The following MTF1 variants were observed in gnomAD, a reference collection of about 807,000 sequenced individuals.
MTF1 encodes the protein MRE-binding transcription factor.
In MTF1, 22 loss-of-function variants were observed where a neutral mutation model predicts 70.4. That is an observed-to-expected ratio of 0.31 (90% CI 0.22 to 0.45). The LOEUF (loss-of-function observed/expected upper bound fraction) is 0.45. MTF1 is among the 20% of genes least tolerant of loss of function. The probability of loss-of-function intolerance (pLI) is 1.00; values close to 1 mark genes in which losing one functional copy is unlikely to be tolerated. For synonymous variants in MTF1, 333 were observed against 352.8 expected (o/e 0.94, Z 0.63); for missense variants, 649 against 922.0 (o/e 0.70, Z 3.83).
chr1:37,822,705 C>T lies in MTF1; in HGVS notation c.1183G>A (p.Glu395Lys). 6.2e-7 allele frequency: 1 copy of T among 1,608,536 alleles called. No individual in the cohort carries two copies. The highest frequency in any genetic ancestry group is 8.5e-7 in the Non-Finnish European group (1 of 1,176,328). ...GACTCTGCATCACCATTAAAACTTT[C>T]AGTCAAGGAAGCTGGCAAGAAAAAG... The part of the protein sequence containing the change: ...EDPQQTASLT[E>K]SFNGDAESVS... Residue 395 changes from glutamate to lysine, a missense_variant, in exon 9 of 11, where the codon GAA becomes AAA. Physicochemically the swap from Glu to Lys is moderately conservative, Grantham distance 56. This residue lies in a region of MTF1 where 267 missense variants were observed against 292.1 expected (regional missense o/e 0.91). Coordinates refer to ENST00000373036, the MANE Select transcript of MTF1 (RefSeq NM_005955.3).
intron 5 of MTF1, 37 bp downstream of exon 5, chr1:37,835,634 T>C: frequency 2.6e-6 from 4 of 1,519,246 alleles, no homozygotes; most frequent in Non-Finnish European, 3.7e-6. Flanking sequence ...AATTGATAGT[T>C]ACAGGCTTGA....
At chr1:37,820,989 G>C (rs894043240) in intron 9 of MTF1, among the ~76,000 whole-genome samples, 2 of 152,068 alleles carry the variant, frequency 1.3e-5, no homozygotes, top group Non-Finnish European at 2.9e-5. Context: ...GACCAGTCTG[G>C]GCAACATGGC....
At chr1:37,859,226 C>G (rs1055844767) in intron 1 of MTF1, among the ~76,000 whole-genome samples, 2 of 152,206 alleles carry the variant, frequency 1.3e-5, no homozygotes, top group Non-Finnish European at 2.9e-5. Context: ...GGAGTGCGAA[C>G]AGAGCCCCCT....
At position 37,850,024 on chromosome 1, in the gene MTF1, C is replaced by T. The variant is rs559515149; in HGVS notation, c.408+7227G>A. Among the ~76,000 whole-genome samples, 27 of 152,222 alleles carry T rather than the reference C, an allele frequency of 1.8e-4. No individual in the cohort carries two copies. The South Asian group carries it at 5.2e-3, about 29-fold the overall frequency. On this transcript the variant is annotated intron_variant, in intron 2 of 10. Coordinates refer to ENST00000373036, the MANE Select transcript of MTF1 (RefSeq NM_005955.3). ...TTGGGAGGCCAAGGTGGAAGGATTG[C>T]GTGAGCCCAGGATTTTGGAACCAGC...
chr1:37,839,095 C>T (rs112496727), intron 3 of MTF1, among the ~76,000 whole-genome samples: 3,821 of 152,196 alleles, frequency 0.025, 84 homozygotes, highest in African/African-American at 0.052. Context: ...TGAGCCACTG[C>T]GCCTGGCCTC....
chr1:37,856,499 CTTTT>C (rs35260301), intron 2 of MTF1, among the ~76,000 whole-genome samples: 3 of 122,704 alleles, frequency 2.4e-5, no homozygotes. Flanking sequence ...GAATTTCTTT[CTTTT>C]TTTTTTTTTT....
At chr1:37,858,395 C>CA (rs1473910624) in intron 1 of MTF1, 1 of 152,172 alleles carries the variant, frequency 6.6e-6, no homozygotes, top group African/African-American at 2.4e-5. Flanking sequence ...CCTGTTCTCT[C>CA]AAAGTTTTTA....
chr1:37,847,097 C>T (rs887693892), intron 2 of MTF1, among the ~76,000 whole-genome samples: 5 of 152,180 alleles, frequency 3.3e-5, no homozygotes, highest in African/African-American at 9.7e-5. Flanking sequence ...GATCTCATTT[C>T]GACAGGCCTC....
At chr1:37,833,958 G>A (rs1641125649) in intron 6 of MTF1, among the ~76,000 whole-genome samples, 1 of 152,156 alleles carries the variant, frequency 6.6e-6, no homozygotes, top group South Asian at 2.1e-4. Context: ...GGGCACAGTG[G>A]CTCACATCTG....
intron 6 of MTF1, 148 bp downstream of exon 6, chr1:37,834,931 T>C (rs1173923169): frequency 1.4e-5 from 11 of 797,046 alleles, no homozygotes; most frequent in Non-Finnish European, 1.6e-5. Flanking sequence ...GGTGGTTAAA[T>C]ACACAAGTCA....
chr1:37,824,169 T>C (rs1640965182), intron 7 of MTF1, among the ~76,000 whole-genome samples: 1 of 152,136 alleles, frequency 6.6e-6, no homozygotes, highest in African/African-American at 2.4e-5. Flanking sequence ...AAAACAGGAA[T>C]TGGCACACTA....
rs1421639666 is a variant in MTF1 at position 37,822,648 on chromosome 1, A to T, written c.1240T>A (p.Ser414Thr). The T allele has an allele frequency of 6.2e-7, 1 of 1,613,936 alleles. No individual in the cohort carries two copies. The change falls in exon 9 of 11, where the codon TCA (serine) becomes ACA (threonine). Residue 414 changes from serine to threonine, a missense_variant. Transcript: ENST00000373036. ...ACAAGTGGAAGAGATAAAGATGCTG[A>T]ATTTCCTGTGGATGGCGGAACATCA... ...VSDVPPSTGN[S>T]ASLSLPLVLQ...
chr1:37,823,930 T>C, intron 7 of MTF1, 118 bp from the exon 8 acceptor site: 1 of 700,336 alleles, frequency 1.4e-6, no homozygotes, highest in Non-Finnish European at 2.5e-6. Context: ...ATTTTGTTTC[T>C]ACCTTCTGCT....
chr1:37,810,055 A>G lies in MTF1; in HGVS notation c.*5081T>C, dbSNP rs1640684624. On this transcript the variant is annotated 3_prime_UTR_variant, in exon 11 of 11. Transcript: ENST00000373036. ...TAGAAAGAGTTCACAGGAAAAGGGA[A>G]CAGACACCTTGAACTCTGACCCCCA... The G allele has an allele frequency of 1.3e-5, 2 of 152,376 alleles. No individual in the cohort carries two copies. The highest frequency in any genetic ancestry group is 4.1e-4 in the South Asian group (2 of 4,822). 9.4% of individuals were successfully genotyped at this position (152,376 alleles called of 1,614,324 possible). A position where few individuals can be genotyped will look rare whatever the true frequency, so the allele number is the denominator to read the frequency against.
rs998179434 is a variant in MTF1, at chr1:37,840,893, G to T, written c.409-735C>A. ...AGCAGCTTCCTCAGAGACTTTGGCA[G>T]GGATATTGGGGCCAGGGTCATGGCT... On this transcript the variant is annotated intron_variant, in intron 2 of 10. Coordinates refer to ENST00000373036, the MANE Select transcript of MTF1 (RefSeq NM_005955.3). The surrounding 1 kb of genome is among the most constrained non-coding windows in gnomAD (Gnocchi z 4.5). 8 of 238,526 alleles carry T rather than the reference G, an allele frequency of 3.4e-5. No individual in the cohort carries two copies. Among genetic ancestry groups the T allele is most frequent in the African/African-American group, 7.1e-5 (3 of 42,142 alleles). The allele number at this position is 238,526 out of a possible 1,614,324, so 14.8% of individuals were successfully genotyped here.
In MTF1 at chr1:37,822,105, C is replaced by A; in HGVS notation, c.1767+16G>T. ...TACACTTCACCCCACTGGGTATATTCATACATAATACTTACAATTTGTTCT... is the reference window on the plus strand; with the variant it reads ...TACACTTCACCCCACTGGGTATATTAATACATAATACTTACAATTTGTTCT... On this transcript the variant is annotated intron_variant, in intron 9 of 10. Coordinates refer to ENST00000373036, the MANE Select transcript of MTF1 (RefSeq NM_005955.3). 6.4e-7 allele frequency: 1 copy of A among 1,559,504 alleles called. No individual in the cohort carries two copies. Among genetic ancestry groups the A allele is most frequent in the South Asian group, 1.2e-5 (1 of 83,396 alleles).
chr1:37,838,060 A>T (rs945796775), intron 4 of MTF1, among the ~76,000 whole-genome samples: 4 of 152,214 alleles, frequency 2.6e-5, no homozygotes, highest in African/African-American at 9.6e-5. Flanking sequence ...ATGAATAAAA[A>T]TGGATGCTCC....
intron 2 of MTF1, among the ~76,000 whole-genome samples, chr1:37,842,048 G>A (rs1641261317): frequency 6.6e-6 from 1 of 151,772 alleles, no homozygotes; most frequent in Non-Finnish European, 1.5e-5. Context: ...AGAAAAAAAA[G>A]GGGGAAAAAA....
Position 37,828,321 on chromosome 1 carries a change from T to A in MTF1, c.1068+3924A>T. The A allele has an allele frequency of 5.2e-6, 2 of 381,726 alleles. 1 individual carries two copies. Among genetic ancestry groups the A allele is most frequent in the South Asian group, 3.8e-5 (2 of 52,948 alleles). The allele number at this position is 381,726 out of a possible 1,614,324, so 23.6% of individuals were successfully genotyped here. A position where few individuals can be genotyped will look rare whatever the true frequency, so the allele number is the denominator to read the frequency against. ...TTATTTTGTTTGTTTTCTTTTGTTC[T>A]GAGACAGAGTTTCGCTCTTGTCACC... On this transcript the variant is annotated intron_variant, in intron 7 of 10. Transcript: ENST00000373036.
Sources: gnomAD v4.1 joint callset for allele counts (sites outside exome capture counted in the v4.1 genomes callset) on GRCh38, gnomAD v4.1.1 for gene constraint, gnomAD v4.1.1 regional missense constraint, Gnocchi (gnomAD v3.1) non-coding constraint, MANE v1.5 for transcripts, NCBI Gene and HGNC (gene_info 2026-07-23, HGNC 2026-07-21) for gene names.